The following METTL2A variants were observed in gnomAD, a reference collection of about 807,000 sequenced individuals.
The protein encoded by METTL2A is tRNA N(3)-cytidine methyltransferase METTL2A.
A neutral mutation model predicts 49.4 loss-of-function variants in METTL2A; 45 were observed. The observed-to-expected ratio is 0.91, with a 90% CI of 0.72 to 1.17. The LOEUF (loss-of-function observed/expected upper bound fraction) is 1.17, where lower values mean the gene tolerates loss of function less well. Among genes scored for constraint, METTL2A ranks in the 50% most tolerant of loss-of-function variants. The pLI, the probability that METTL2A is intolerant of heterozygous loss-of-function variation, is 0.00. For missense variants in METTL2A, 361 were observed against 462.2 expected (o/e 0.78, Z 2.01); for synonymous variants, 118 against 167.5 (o/e 0.70, Z 2.28).
chr17:62,444,158 G>A (rs1157589252), intron 6 of METTL2A, among the ~76,000 whole-genome samples: 1 of 152,206 alleles, frequency 6.6e-6, no homozygotes, highest in East Asian at 1.9e-4. Context: ...AGGCAGATAA[G>A]TCACCTAGCA....
At chr17:62,447,176 T>G (rs1218687406) in intron 7 of METTL2A, among the ~76,000 whole-genome samples, 2 of 152,134 alleles carry the variant, frequency 1.3e-5, no homozygotes, top group African/African-American at 4.8e-5. Flanking sequence ...CCCAGCACTT[T>G]GGGAGGCCAC....
At chr17:62,433,559 G>A (rs1383664085) in intron 4 of METTL2A, among the ~76,000 whole-genome samples, 1 of 151,898 alleles carries the variant, frequency 6.6e-6, no homozygotes, top group African/African-American at 2.4e-5. Flanking sequence ...AGTCAACATG[G>A]TGAAACCCCG....
intron 5 of METTL2A, among the ~76,000 whole-genome samples, chr17:62,437,243 C>A (rs1477641055): frequency 6.6e-6 from 1 of 151,158 alleles, no homozygotes; most frequent in Admixed American, 6.6e-5. Flanking sequence ...TCAGGCGAAC[C>A]TGATGAGATG....
At chr17:62,430,926 T>G (rs2070660509) in intron 4 of METTL2A, among the ~76,000 whole-genome samples, 1 of 152,162 alleles carries the variant, frequency 6.6e-6, no homozygotes, top group Non-Finnish European at 1.5e-5. Flanking sequence ...AGTGCAGTGG[T>G]GCGATCTTGG....
At chr17:62,445,775 C>T (rs2070764195) in intron 7 of METTL2A, among the ~76,000 whole-genome samples, 1 of 146,208 alleles carries the variant, frequency 6.8e-6, no homozygotes, top group Non-Finnish European at 1.5e-5. Context: ...CCAGCCTGGG[C>T]AACGAGTGAA....
At chr17:62,445,579 G>A (rs1267143218) in intron 7 of METTL2A, among the ~76,000 whole-genome samples, 8 of 152,132 alleles carry the variant, frequency 5.3e-5, no homozygotes, top group Admixed American at 1.3e-4. Flanking sequence ...TGGGTGGATC[G>A]CCTGAGTTCA....
At chr17:62,426,000 C>CAAA (rs1315462000) in intron 2 of METTL2A, among the ~76,000 whole-genome samples, 2 of 76,080 alleles carry the variant, frequency 2.6e-5, no homozygotes, top group Admixed American at 1.5e-4. Flanking sequence ...GACTCTGTCT[C>CAAA]AAAAAAAAAA....
chr17:62,452,568 A>G lies in METTL2A; in HGVS notation c.*3839A>G, dbSNP rs1014525140. ...GTATTTTGTACAGAAAAGCTTTCTC[A>G]TATCTGATTTACTTGTCTCAATATG... On this transcript the variant is annotated 3_prime_UTR_variant, in exon 9 of 9. Transcript: ENST00000311506. Among the ~76,000 whole-genome samples, 23 of 152,060 alleles carry G rather than the reference A, an allele frequency of 1.5e-4. No homozygotes were observed. The highest frequency in any genetic ancestry group is 5.6e-4 in the African/African-American group (23 of 41,400).
chr17:62,449,289 T>C lies in METTL2A; in HGVS notation c.*560T>C, dbSNP rs1220833743. ...ATACATACAGAGGTTAGTGAAGGGC[T>C]TATTAAGTTGTAGGGGAAGCAAGCT... On this transcript the variant is annotated 3_prime_UTR_variant, in exon 9 of 9. Transcript: ENST00000311506. 2.6e-6 allele frequency: 1 copy of C among 382,442 alleles called. No homozygotes were observed. Among genetic ancestry groups the C allele is most frequent in the Non-Finnish European group, 5.1e-6 (1 of 197,816 alleles). The allele number at this position is 382,442 out of a possible 1,614,324, so 23.7% of individuals were successfully genotyped here. A position where few individuals can be genotyped will look rare whatever the true frequency, so the allele number is the denominator to read the frequency against.
chr17:62,448,353 C>G (rs1217915701), intron 8 of METTL2A, among the ~76,000 whole-genome samples: 2 of 152,006 alleles, frequency 1.3e-5, no homozygotes, highest in Admixed American at 1.3e-4. Flanking sequence ...AAATATAAAC[C>G]AAAGGTTTTT....
At position 62,449,978 on chromosome 17, in the gene METTL2A, C is replaced by CTGTACTCCCTGT. The variant is rs1396190310; in HGVS notation, c.*1249_*1250insTGTACTCCCTGT. The stretch of plus-strand genomic sequence containing the variant: ...ACACACCTGTAGTCCCCTGTAGTCC[C>CTGTACTCCCTGT]AGCTACTCGGGAGGCTGAGGCAGGA... On this transcript the variant is annotated 3_prime_UTR_variant, in exon 9 of 9. Coordinates refer to ENST00000311506, the MANE Select transcript of METTL2A (RefSeq NM_181725.4). 6.6e-6 allele frequency: 1 copy of CTGTACTCCCTGT among 152,146 alleles called. No homozygotes were observed. The highest frequency in any genetic ancestry group is 1.5e-5 in the Non-Finnish European group (1 of 68,296). The allele number at this position is 152,146 out of a possible 1,614,324, so 9.4% of individuals were successfully genotyped here.
At position 62,426,733 on chromosome 17, in the gene METTL2A, A is replaced by G. The variant is rs570092184; in HGVS notation, c.558+79A>G. ...CATGAGGTAGCATAGAGAGGCTGAC[A>G]ACAAAAGTAACTTCTATTGGATGAT... On this transcript the variant is annotated intron_variant, in intron 3 of 8. Transcript: ENST00000311506. 4 of 1,011,262 alleles carry G rather than the reference A, an allele frequency of 4.0e-6. No individual in the cohort carries two copies. The East Asian group carries it at 9.8e-5, about 25-fold the overall frequency. The allele number at this position is 1,011,262 out of a possible 1,614,324, so 62.6% of individuals were successfully genotyped here. A position where few individuals can be genotyped will look rare whatever the true frequency, so the allele number is the denominator to read the frequency against.
rs1303010062 is a variant in METTL2A at position 62,452,821 on chromosome 17, G to T, written c.*4092G>T. Among the ~76,000 whole-genome samples the T allele has an allele frequency of 2.0e-5, 3 of 152,100 alleles. No individual in the cohort carries two copies. The highest frequency in any genetic ancestry group is 4.4e-5 in the Non-Finnish European group (3 of 68,028). ...GACAGGGTTTCATCATGTGTCCCAG[G>T]CTGGTCTTGAACTCCTGAGCTCAAG... is the stretch of plus-strand genomic sequence containing the variant. On this transcript the variant is annotated 3_prime_UTR_variant, in exon 9 of 9. Transcript: ENST00000311506.
At chr17:62,440,428 G>C (rs533526489) in intron 5 of METTL2A, among the ~76,000 whole-genome samples, 189 bp from the exon 6 acceptor site, 1 of 152,076 alleles carries the variant, frequency 6.6e-6, no homozygotes, top group Non-Finnish European at 1.5e-5. Flanking sequence ...ATCCTATCGC[G>C]TGAACCCAAG....
In METTL2A at chr17:62,452,412, T is replaced by C. The variant is rs1405679117; in HGVS notation, c.*3683T>C. ...ATTTTGTAGGGAAGTGCTTTGAGACTAAATATCCTGTTCCTCATCAAACTT... is the reference window on the plus strand; with the variant it reads ...ATTTTGTAGGGAAGTGCTTTGAGACCAAATATCCTGTTCCTCATCAAACTT... On this transcript the variant is annotated 3_prime_UTR_variant, in exon 9 of 9. Transcript: ENST00000311506. Among the ~76,000 whole-genome samples the C allele has an allele frequency of 6.6e-6, 1 of 152,232 alleles. No homozygotes were observed. Among genetic ancestry groups the C allele is most frequent in the Non-Finnish European group, 1.5e-5 (1 of 68,046 alleles).
intron 4 of METTL2A, among the ~76,000 whole-genome samples, chr17:62,432,824 A>G (rs547812294): frequency 6.6e-6 from 1 of 151,880 alleles, no homozygotes; most frequent in African/African-American, 2.4e-5. Context: ...ATTGCCAAGC[A>G]TGCTGGCATG....
intron 4 of METTL2A, among the ~76,000 whole-genome samples, chr17:62,430,860 A>G (rs1229286287): frequency 1.3e-5 from 2 of 149,658 alleles, no homozygotes; most frequent in African/African-American, 2.5e-5. Flanking sequence ...TGTATTATTG[A>G]TTGATTGATT....
Position 62,435,124 on chromosome 17 carries a change from A to G in METTL2A, c.609-108A>G. ...TGACTAATAGATACAGTTTATTTGA[A>G]TGAATGATAGTTTTTCCCATTTGAT... On this transcript the variant is annotated intron_variant, in intron 4 of 8. Coordinates refer to ENST00000311506, the MANE Select transcript of METTL2A (RefSeq NM_181725.4). The G allele has an allele frequency of 2.0e-6, 3 of 1,484,602 alleles. No homozygotes were observed. The Admixed American group carries it at 5.8e-5, about 29-fold the overall frequency. The allele number at this position is 1,484,602 out of a possible 1,614,324, so 92.0% of individuals were successfully genotyped here. A position where few individuals can be genotyped will look rare whatever the true frequency, so the allele number is the denominator to read the frequency against.
At position 62,447,824 on chromosome 17, in the gene METTL2A, C is replaced by T; in HGVS notation, c.982+58C>T. 6 of 1,606,114 alleles carry T rather than the reference C, an allele frequency of 3.7e-6. No homozygotes were observed. The South Asian group carries it at 4.4e-5, about 12-fold the overall frequency. ...CCCCAGTACCAGATGAGATGGTCTTCAAGGCACGTTCAGAAGGAAAACTAT... is the reference window on the plus strand; with the variant it reads ...CCCCAGTACCAGATGAGATGGTCTTTAAGGCACGTTCAGAAGGAAAACTAT... On this transcript the variant is annotated intron_variant, in intron 8 of 8. Coordinates refer to ENST00000311506, the MANE Select transcript of METTL2A (RefSeq NM_181725.4).
Sources: gnomAD v4.1 joint callset for allele counts (sites outside exome capture counted in the v4.1 genomes callset) on GRCh38, gnomAD v4.1.1 for gene constraint, MANE v1.5 for transcripts, NCBI Gene and HGNC (gene_info 2026-07-23, HGNC 2026-07-21) for gene names.